The following SLC29A3 variants were observed in gnomAD, a reference collection of about 807,000 sequenced individuals.
The protein encoded by SLC29A3 is solute carrier family 29 member 3.
A neutral mutation model predicts 25.4 loss-of-function variants in SLC29A3; 18 were observed. The ratio of observed to expected loss-of-function variants is 0.71; its 90% confidence interval spans 0.49 to 1.05. The LOEUF is 1.05. SLC29A3 is among the 50% of genes least tolerant of loss of function. SLC29A3 has a pLI of 0.00. For synonymous variants in SLC29A3, 258 were observed against 267.1 expected (o/e 0.97, Z 0.33); for missense variants, 586 against 609.0 (o/e 0.96, Z 0.40).
intron 2 of SLC29A3, among the ~76,000 whole-genome samples, chr10:71,341,254 T>C (rs1328428726): frequency 6.6e-6 from 1 of 152,146 alleles, no homozygotes; most frequent in African/African-American, 2.4e-5. Flanking sequence ...GCAGTGGCAG[T>C]GATTTTATGA....
intron 3 of SLC29A3, among the ~76,000 whole-genome samples, chr10:71,369,614 T>C (rs1209050168): frequency 6.6e-6 from 1 of 152,228 alleles, no homozygotes; most frequent in African/African-American, 2.4e-5. Flanking sequence ...CAATCCAACC[T>C]GGGCTCTGCA....
At chr10:71,374,073 A>T (rs1388400950) in intron 3 of SLC29A3, among the ~76,000 whole-genome samples, 1 of 152,230 alleles carries the variant, frequency 6.6e-6, no homozygotes, top group East Asian at 1.9e-4. Context: ...ATTGATGTGT[A>T]ACTTACATAT....
intron 3 of SLC29A3, among the ~76,000 whole-genome samples, chr10:71,351,189 A>T (rs1256540843): frequency 6.6e-6 from 1 of 152,168 alleles, no homozygotes; most frequent in Non-Finnish European, 1.5e-5. Context: ...TGCCTTGAAC[A>T]TCCTGGTGTC....
Position 71,378,724 on chromosome 10 carries a change from G to C in SLC29A3, c.*212-1042G>C, listed in dbSNP as rs150398071. Among the ~76,000 whole-genome samples, 859 of 152,336 alleles carry C rather than the reference G, an allele frequency of 5.6e-3. 7 individuals carry two copies. The highest frequency in any genetic ancestry group is 0.019 in the African/African-American group (803 of 41,562). On this transcript the variant is annotated intron_variant and NMD_transcript_variant, in intron 4 of 4. Transcript: ENST00000642772. ...TCCTAGTGAGTCTGTGCTGAAGTTT[G>C]AGAACGACTGTTCTGCTAGGCTGTT...
At chr10:71,319,732 G>T (rs1845807041) in intron 1 of SLC29A3, 1 of 177,480 alleles carries the variant, frequency 5.6e-6, no homozygotes, top group Admixed American at 6.3e-5. Flanking sequence ...CTTCCCACAG[G>T]TTAGCCCTAC....
In SLC29A3 at chr10:71,356,071, T is replaced by G; in HGVS notation, c.611-10T>G. ...CCTCACCATCTCTGCGTGTCCTCTG[T>G]TCTCTGCAGGAGGAGCCATGGGCGG... is the stretch of plus-strand genomic sequence containing the variant. On this transcript the variant is annotated splice_polypyrimidine_tract_variant and intron_variant, in intron 4 of 5. Coordinates refer to ENST00000373189, the MANE Select transcript of SLC29A3 (RefSeq NM_018344.6). The G allele has an allele frequency of 6.2e-7, 1 of 1,613,628 alleles. No individual in the cohort carries two copies. Among genetic ancestry groups the G allele is most frequent in the Non-Finnish European group, 8.5e-7 (1 of 1,180,000 alleles).
At chr10:71,356,051 C>T in intron 4 of SLC29A3, 30 bp from the exon 5 acceptor site, 1 of 1,612,548 alleles carries the variant, frequency 6.2e-7, no homozygotes, top group Non-Finnish European at 8.5e-7. Flanking sequence ...CCACCCCTCA[C>T]CATCTCTGCG....
intron 2 of SLC29A3, among the ~76,000 whole-genome samples, chr10:71,334,146 G>A (rs1306838942): frequency 6.6e-6 from 1 of 152,182 alleles, no homozygotes; most frequent in Admixed American, 6.5e-5. Context: ...CTCCTTTGAG[G>A]AATGAAGATA....
At chr10:71,360,827 C>T (rs969416386) in intron 5 of SLC29A3, among the ~76,000 whole-genome samples, 15 of 152,282 alleles carry the variant, frequency 9.9e-5, no homozygotes, top group African/African-American at 2.9e-4. Context: ...TACATCCATC[C>T]GGTGAACCAT....
chr10:71,351,936 AACGGTCATTT>A, intron 4 of SLC29A3, 148 bp downstream of exon 4: 1 of 794,046 alleles, frequency 1.3e-6, no homozygotes, highest in Non-Finnish European at 2.1e-6. Context: ...GTAGAACAAC[AACGGTCATTT>A]CTACTACTCA....
intron 4 of SLC29A3, among the ~76,000 whole-genome samples, chr10:71,355,661 T>C (rs968490157): frequency 6.6e-6 from 1 of 152,160 alleles, no homozygotes; most frequent in Non-Finnish European, 1.5e-5. Flanking sequence ...GTGGGTACTT[T>C]GGGCCGGGGG....
At chr10:71,366,176 G>A (rs565280175), downstream of SLC29A3, 4 of 152,194 alleles carry the variant, frequency 2.6e-5, no homozygotes, top group African/African-American at 9.6e-5. Flanking sequence ...ATTTTTTATA[G>A]AGGCAGAGTC....
chr10:71,376,693 T>C (rs928515749), intron 4 of SLC29A3, among the ~76,000 whole-genome samples: 7 of 152,198 alleles, frequency 4.6e-5, no homozygotes, highest in South Asian at 2.1e-4. Flanking sequence ...CCCAGGAGCA[T>C]AGATTCAAGT....
downstream of SLC29A3, among the ~76,000 whole-genome samples, chr10:71,367,262 G>C (rs921559948): frequency 2.6e-5 from 4 of 152,180 alleles, no homozygotes; most frequent in African/African-American, 9.7e-5. Context: ...CCCTGCTGCT[G>C]AGGTGACCCC....
At position 71,362,291 on chromosome 10, in the gene SLC29A3, G is replaced by A; in HGVS notation, c.1111G>A (p.Val371Met). The change falls in exon 6 of 6, where the codon GTG becomes ATG. Residue 371 changes from valine to methionine, a missense_variant. Coordinates refer to ENST00000373189, the MANE Select transcript of SLC29A3 (RefSeq NM_018344.6). The stretch of plus-strand genomic sequence containing the variant: ...CCGGCAGCTCACCGCCTGGATCCAG[G>A]TGCCAGGGCCCAATAGCAAGGCGCT... Reference protein sequence around the residue: ...CGRQLTAWIQVPGPNSKALPG... With the variant: ...CGRQLTAWIQMPGPNSKALPG... 1 of 1,614,112 alleles carries A rather than the reference G, an allele frequency of 6.2e-7. No individual in the cohort carries two copies. The highest frequency in any genetic ancestry group is 8.5e-7 in the Non-Finnish European group (1 of 1,180,028).
chr10:71,347,270 G>T (rs1181683832), intron 3 of SLC29A3, among the ~76,000 whole-genome samples: 1 of 152,140 alleles, frequency 6.6e-6, no homozygotes, highest in Admixed American at 6.5e-5. Context: ...TTTACATCTT[G>T]GAGACTTATG....
intron 3 of SLC29A3, among the ~76,000 whole-genome samples, chr10:71,372,809 G>A (rs181664430): frequency 2.0e-5 from 3 of 152,248 alleles, no homozygotes; most frequent in Admixed American, 6.5e-5. Flanking sequence ...TCTTCACCAC[G>A]CCCCAAGGTT....
At chr10:71,340,644 G>A (rs1401993521) in intron 2 of SLC29A3, among the ~76,000 whole-genome samples, 4 of 152,148 alleles carry the variant, frequency 2.6e-5, no homozygotes, top group South Asian at 4.1e-4. Flanking sequence ...ATTGCTTTGG[G>A]GGCAGTCTTG....
chr10:71,321,294 C>T (rs1845841133), intron 1 of SLC29A3, among the ~76,000 whole-genome samples: 1 of 152,190 alleles, frequency 6.6e-6, no homozygotes, highest in Non-Finnish European at 1.5e-5. Flanking sequence ...GGTTCTGCAC[C>T]CATGTGAGGA....
Sources: allele counts gnomAD v4.1 joint callset (sites outside exome capture counted in the v4.1 genomes callset), GRCh38; gene constraint gnomAD v4.1.1; transcripts MANE v1.5; gene names NCBI Gene and HGNC (gene_info 2026-07-23, HGNC 2026-07-21).